ALOX5AP: variants seen among roughly 807,000 people sequenced by gnomAD.
The protein encoded by ALOX5AP is arachidonate 5-lipoxygenase-activating protein.
In ALOX5AP, 9 loss-of-function variants were observed where a neutral mutation model predicts 18.5. That is an observed-to-expected ratio of 0.49 (90% CI 0.29 to 0.85). The LOEUF (loss-of-function observed/expected upper bound fraction) is 0.85, where lower values mean the gene tolerates loss of function less well. Among genes scored for constraint, ALOX5AP ranks in the 40% least tolerant of loss-of-function variants. The pLI, the probability that ALOX5AP is intolerant of heterozygous loss-of-function variation, is 0.08. For missense variants in ALOX5AP, 172 were observed against 202.5 expected (o/e 0.85, Z 0.91); for synonymous variants, 81 against 78.6 (o/e 1.03, Z -0.16).
In ALOX5AP at chr13:30,713,623, C is replaced by T. The variant is rs376684986; in HGVS notation, c.-103C>T. The T allele has an allele frequency of 1.6e-4, 131 of 818,958 alleles. No homozygotes were observed. In the African/African-American group the frequency reaches 1.7e-3, roughly 11 times the overall value. 50.7% of individuals were successfully genotyped at this position (818,958 alleles called of 1,614,324 possible). Reference sequence around the variant, plus strand: ...CCCCCTCACACCTCCTCTCATCTCCCGTTTTTGAAGAGGAGGACCCTGTCA... The same window carrying T: ...CCCCCTCACACCTCCTCTCATCTCCTGTTTTTGAAGAGGAGGACCCTGTCA... On this transcript the variant is annotated 5_prime_UTR_variant, in exon 1 of 6. Transcript: ENST00000617770.
chr13:30,726,946 G>A (rs1406750002), intron 1 of ALOX5AP, among the ~76,000 whole-genome samples: 1 of 152,042 alleles, frequency 6.6e-6, no homozygotes, highest in South Asian at 2.1e-4. Flanking sequence ...AAGGGAATGC[G>A]ACTTAGTTAC....
At chr13:30,719,659 G>T (rs1325776504) in intron 1 of ALOX5AP, among the ~76,000 whole-genome samples, 1 of 152,074 alleles carries the variant, frequency 6.6e-6, no homozygotes, top group Non-Finnish European at 1.5e-5. Context: ...ATTGTCCAGG[G>T]TCATCTTTTG....
chr13:30,744,948 G>A (rs1951797858), intron 2 of ALOX5AP, among the ~76,000 whole-genome samples: 1 of 152,192 alleles, frequency 6.6e-6, no homozygotes, highest in African/African-American at 2.4e-5. Context: ...CATCCCAGGA[G>A]CAACTTTGAT....
At chr13:30,755,862 C>T in intron 3 of ALOX5AP, 82 bp from the exon 4 acceptor site, 1 of 1,344,926 alleles carries the variant, frequency 7.4e-7, no homozygotes, top group Non-Finnish European at 1.1e-6. Flanking sequence ...GATTTTGTGA[C>T]CAATGTTGAT....
intron 3 of ALOX5AP, among the ~76,000 whole-genome samples, chr13:30,755,663 T>C (rs189211093): frequency 9.9e-5 from 15 of 152,226 alleles, no homozygotes; most frequent in East Asian, 1.9e-4. Flanking sequence ...TTTAAGAAAG[T>C]TTATGAATTT....
At chr13:30,735,013 CGT>C (rs372877577), upstream of ALOX5AP, among the ~76,000 whole-genome samples, 6 of 150,326 alleles carry the variant, frequency 4.0e-5, no homozygotes, top group Non-Finnish European at 8.9e-5. Context: ...TTTGTGTGTG[CGT>C]GTGTGTGTGT....
upstream of ALOX5AP, among the ~76,000 whole-genome samples, chr13:30,735,029 T>A (rs1263339622): frequency 1.3e-5 from 2 of 152,222 alleles, no homozygotes; most frequent in East Asian, 1.9e-4. Flanking sequence ...TGTGTGTGTG[T>A]GAGACAGTCT....
intron 1 of ALOX5AP, among the ~76,000 whole-genome samples, chr13:30,741,982 C>T (rs899572142): frequency 2.0e-5 from 3 of 152,114 alleles, no homozygotes; most frequent in Admixed American, 2.0e-4. Context: ...TTCTGTCATA[C>T]TCTGGTAAAA....
chr13:30,725,500 A>G (rs1951632570), intron 1 of ALOX5AP, among the ~76,000 whole-genome samples: 1 of 152,254 alleles, frequency 6.6e-6, no homozygotes, highest in Non-Finnish European at 1.5e-5. Context: ...ATCAAGGCCA[A>G]TTTGGCTCCA....
intron 1 of ALOX5AP, among the ~76,000 whole-genome samples, chr13:30,740,923 G>C (rs1014780382): frequency 6.6e-6 from 1 of 152,020 alleles, no homozygotes; most frequent in Non-Finnish European, 1.5e-5. Context: ...ATGCAGAGAA[G>C]TACGGCACAT....
intron 4 of ALOX5AP, among the ~76,000 whole-genome samples, chr13:30,758,059 A>G (rs186453286): frequency 3.9e-5 from 6 of 152,228 alleles, no homozygotes; most frequent in Admixed American, 3.9e-4. Context: ...TTTCTTCCAG[A>G]GACCAAACCT....
At chr13:30,746,039 T>C (rs1191334295) in intron 2 of ALOX5AP, among the ~76,000 whole-genome samples, 1 of 152,192 alleles carries the variant, frequency 6.6e-6, no homozygotes, top group East Asian at 1.9e-4. Flanking sequence ...GGCCAGGCTG[T>C]GTAGTTTCTG....
At chr13:30,740,652 C>A (rs370213287) in intron 1 of ALOX5AP, among the ~76,000 whole-genome samples, 1 of 152,092 alleles carries the variant, frequency 6.6e-6, no homozygotes, top group Non-Finnish European at 1.5e-5. Context: ...AAGGAAGGAG[C>A]GGTAAACCCT....
At chr13:30,725,855 G>A (rs1024108260) in intron 1 of ALOX5AP, among the ~76,000 whole-genome samples, 1 of 152,208 alleles carries the variant, frequency 6.6e-6, no homozygotes, top group Non-Finnish European at 1.5e-5. Context: ...GAAGCAGGTG[G>A]CCAGATTAGA....
upstream of ALOX5AP, among the ~76,000 whole-genome samples, chr13:30,733,614 T>C (rs891998776): frequency 6.6e-6 from 1 of 152,220 alleles, no homozygotes; most frequent in African/African-American, 2.4e-5. Context: ...AGGTAGCTGG[T>C]AAAATGTTTT....
At chr13:30,741,837 T>TC (rs1044931359) in intron 1 of ALOX5AP, among the ~76,000 whole-genome samples, 1 of 150,858 alleles carries the variant, frequency 6.6e-6, no homozygotes, top group Admixed American at 6.6e-5. Flanking sequence ...TTCTGTTTTT[T>TC]TTTTTTTTTT....
chr13:30,764,016 C>T lies in ALOX5AP; in HGVS notation c.396C>T (p.Asn132=), dbSNP rs1461321602. 1.9e-6 allele frequency: 3 copies of T among 1,614,164 alleles called. No individual in the cohort carries two copies. The highest frequency in any genetic ancestry group is 2.5e-6 in the Non-Finnish European group (3 of 1,179,996). ...TCATGTCCGTTGCTGGCATATTCAACTATTACCTCATCTTCTTTTTCGGAA... is the reference window on the plus strand; with the variant it reads ...TCATGTCCGTTGCTGGCATATTCAATTATTACCTCATCTTCTTTTTCGGAA... ...LFLMSVAGIF[N]YYLIFFFGSD... Residue 132 remains asparagine, a synonymous_variant, in exon 5 of 5, where the codon AAC becomes AAT. Coordinates refer to ENST00000380490, the MANE Select transcript of ALOX5AP (RefSeq NM_001629.4).
At chr13:30,725,278 CA>C (rs1182138267) in intron 1 of ALOX5AP, among the ~76,000 whole-genome samples, 4 of 152,230 alleles carry the variant, frequency 2.6e-5, no homozygotes, top group Non-Finnish European at 5.9e-5. Flanking sequence ...TACCTCTGAA[CA>C]CACACAAAAC....
chr13:30,754,998 A>G (rs1309110852), intron 3 of ALOX5AP, among the ~76,000 whole-genome samples: 1 of 152,236 alleles, frequency 6.6e-6, no homozygotes, highest in Non-Finnish European at 1.5e-5. Context: ...GTAGCTCTAG[A>G]TAACACTAGT....
Sources: gnomAD v4.1 joint callset for allele counts (sites outside exome capture counted in the v4.1 genomes callset) on GRCh38, gnomAD v4.1.1 for gene constraint, MANE v1.5 for transcripts, NCBI Gene and HGNC (gene_info 2026-07-23, HGNC 2026-07-21) for gene names.